DLG2: variants seen among roughly 807,000 people sequenced by gnomAD.
DLG2 encodes the protein disks large homolog 2.
DLG2 carries 45 observed loss-of-function variants against 132.5 expected under a neutral mutation model. That is an observed-to-expected ratio of 0.34 (90% CI 0.27 to 0.44). DLG2 has a LOEUF of 0.44. DLG2 is among the 20% of genes least tolerant of loss of function. The probability of loss-of-function intolerance (pLI) is 1.00; values close to 1 mark genes in which losing one functional copy is unlikely to be tolerated. For missense variants in DLG2, 1,045 were observed against 1,196.9 expected (o/e 0.87, Z 1.87); for synonymous variants, 424 against 419.6 (o/e 1.01, Z -0.13).
At chr11:84,802,892 C>A (rs551788363) in intron 6 of DLG2, among the ~76,000 whole-genome samples, 1 of 152,200 alleles carries the variant, frequency 6.6e-6, no homozygotes, top group Admixed American at 6.5e-5. Context: ...CTCCACCTCC[C>A]GGGTTCAAGC....
intron 6 of DLG2, among the ~76,000 whole-genome samples, chr11:84,601,490 G>A (rs972377068): frequency 1.3e-5 from 2 of 151,852 alleles, no homozygotes; most frequent in Non-Finnish European, 2.9e-5. Flanking sequence ...AGACAAGACA[G>A]GCAATTTTGC....
intron 8 of DLG2, among the ~76,000 whole-genome samples, chr11:84,219,904 G>C (rs1228105221): frequency 1.3e-5 from 2 of 152,022 alleles, no homozygotes; most frequent in African/African-American, 4.8e-5. Context: ...CTTATTTTTG[G>C]CTGTTGATGT....
chr11:83,825,305 C>T lies in DLG2; in HGVS notation c.1722+8309G>A, dbSNP rs542630242. Among the ~76,000 whole-genome samples the T allele has an allele frequency of 3.3e-3, 505 of 150,904 alleles. 3 individuals are homozygous for T. Among genetic ancestry groups the T allele is most frequent in the African/African-American group, 6.7e-3 (274 of 41,110 alleles). On this transcript the variant is annotated intron_variant, in intron 17 of 27. Coordinates refer to ENST00000376104, the MANE Select transcript of DLG2 (RefSeq NM_001142699.3). ...CAAGCGATTCTCCTGCCTCAGCATC[C>T]TGAGTAGCTGGGATTATAGGCATGC... is the stretch of plus-strand genomic sequence containing the variant.
intron 6 of DLG2, among the ~76,000 whole-genome samples, chr11:85,086,317 A>G (rs1482559095): frequency 1.3e-5 from 2 of 152,166 alleles, no homozygotes; most frequent in African/African-American, 4.8e-5. Context: ...TATGCATAGA[A>G]TCTTACTCAT....
intron 4 of DLG2, among the ~76,000 whole-genome samples, chr11:85,250,798 C>A (rs1040319249): frequency 6.6e-6 from 1 of 152,110 alleles, no homozygotes; most frequent in Non-Finnish European, 1.5e-5. Flanking sequence ...CAAGCTCTCT[C>A]CAAGCCCTAT....
chr11:83,705,288 C>T (rs990668001), intron 18 of DLG2, among the ~76,000 whole-genome samples: 3 of 152,120 alleles, frequency 2.0e-5, no homozygotes, highest in Non-Finnish European at 4.4e-5. Context: ...TAAAAATCAA[C>T]TTATTTGTTA....
intron 18 of DLG2, among the ~76,000 whole-genome samples, chr11:83,724,492 A>T (rs558553992): frequency 0.3 from 43,730 of 145,336 alleles, 8,532 homozygotes; most frequent in African/African-American, 0.55. Flanking sequence ...AGAGAGAGAG[A>T]GAGAGAGAGA....
chr11:84,418,230 C>T (rs922683152), intron 7 of DLG2, among the ~76,000 whole-genome samples: 2 of 152,126 alleles, frequency 1.3e-5, no homozygotes, highest in Non-Finnish European at 1.5e-5. Context: ...TTCCATACAT[C>T]CTGGCACATA....
rs2099029312 is a variant in DLG2 at position 84,445,028 on chromosome 11, C to T, written c.519+89542G>A. ...ATGTTGGCCAGGCTGATCTCAAACT[C>T]CTGACCTCAGGCAGACCAGGTAATC... is the stretch of plus-strand genomic sequence containing the variant. On this transcript the variant is annotated intron_variant, in intron 7 of 27. Coordinates refer to ENST00000376104, the MANE Select transcript of DLG2 (RefSeq NM_001142699.3). Among the ~76,000 whole-genome samples the T allele has an allele frequency of 2.6e-5, 4 of 152,224 alleles. No individual in the cohort carries two copies. In the Middle Eastern group the frequency reaches 0.01, roughly 388 times the overall value.
At chr11:84,091,549 T>G (rs1270766436) in intron 10 of DLG2, among the ~76,000 whole-genome samples, 1 of 152,202 alleles carries the variant, frequency 6.6e-6, no homozygotes, top group African/African-American at 2.4e-5. Context: ...GGTGTGACAG[T>G]ATTACCGGAG....
At chr11:84,600,198 AAGAAAGAAAG>A (rs1565419718) in intron 6 of DLG2, among the ~76,000 whole-genome samples, 1 of 136,674 alleles carries the variant, frequency 7.3e-6, no homozygotes, top group Admixed American at 7.2e-5. Context: ...GAAAGAAAGA[AAGAAAGAAAG>A]AAAGAAAGAA....
intron 7 of DLG2, among the ~76,000 whole-genome samples, chr11:84,265,784 A>AG (rs1434491332): frequency 6.6e-6 from 1 of 152,166 alleles, no homozygotes; most frequent in Non-Finnish European, 1.5e-5. Flanking sequence ...CATGATGAAA[A>AG]TGAGAATTCC....
chr11:85,087,550 G>C (rs529280476), intron 6 of DLG2, among the ~76,000 whole-genome samples: 2 of 152,320 alleles, frequency 1.3e-5, no homozygotes, highest in South Asian at 4.1e-4. Context: ...GCAAAAACCA[G>C]ATCATGGGCC....
chr11:84,721,274 G>C (rs549936733), intron 6 of DLG2, among the ~76,000 whole-genome samples: 2 of 152,264 alleles, frequency 1.3e-5, no homozygotes, highest in African/African-American at 4.8e-5. Context: ...GATTTCGCTG[G>C]TGCCCTACGA....
chr11:85,140,095 CT>C (rs1327874590), intron 5 of DLG2, among the ~76,000 whole-genome samples: 3 of 151,990 alleles, frequency 2.0e-5, no homozygotes, highest in African/African-American at 4.8e-5. Context: ...CCCATCTTGG[CT>C]ATTGTGAATA....
At position 83,832,614 on chromosome 11, in the gene DLG2, G is replaced by A. The variant is rs188399854; in HGVS notation, c.1722+1000C>T. On this transcript the variant is annotated intron_variant, in intron 17 of 27. Transcript: ENST00000376104. ...CACTGGGGACTCCTAGAGTGGGGAG[G>A]GAAGGAAAAGGGAAATGATTGAAAA... Among the ~76,000 whole-genome samples, 14 of 152,150 alleles carry A rather than the reference G, an allele frequency of 9.2e-5. No individual in the cohort carries two copies. In the East Asian group the frequency reaches 2.3e-3, roughly 25 times the overall value.
chr11:83,881,783 T>C (rs2066333939), intron 15 of DLG2, among the ~76,000 whole-genome samples: 2 of 152,226 alleles, frequency 1.3e-5, no homozygotes, highest in African/African-American at 4.8e-5. Context: ...TCAATTGTAA[T>C]TATTCTTAAA....
intron 18 of DLG2, among the ~76,000 whole-genome samples, chr11:83,690,803 G>C (rs1566553282): frequency 6.6e-6 from 1 of 152,028 alleles, no homozygotes; most frequent in Non-Finnish European, 1.5e-5. Flanking sequence ...AGAAAAATCA[G>C]AAAAGAATAC....
intron 9 of DLG2, among the ~76,000 whole-genome samples, chr11:84,111,186 A>G (rs2093331358): frequency 6.6e-6 from 1 of 152,234 alleles, no homozygotes; most frequent in Non-Finnish European, 1.5e-5. Context: ...GTACCTGTAC[A>G]TGAACAGAAC....
Sources: gnomAD v4.1 joint callset for allele counts (sites outside exome capture counted in the v4.1 genomes callset) on GRCh38, gnomAD v4.1.1 for gene constraint, MANE v1.5 for transcripts, NCBI Gene and HGNC (gene_info 2026-07-23, HGNC 2026-07-21) for gene names.